MAP3K3: variants seen among roughly 807,000 people sequenced by gnomAD.
The protein encoded by MAP3K3 is MAP/ERK kinase kinase 3.
In MAP3K3, 12 loss-of-function variants were observed where a neutral mutation model predicts 80.9. That is an observed-to-expected ratio of 0.15 (90% CI 0.10 to 0.24). The LOEUF (loss-of-function observed/expected upper bound fraction) is 0.24, where lower values mean the gene tolerates loss of function less well. Ranked by LOEUF, MAP3K3 falls within the 10% of genes least tolerant of loss-of-function variation. MAP3K3 has a pLI of 1.00. For missense variants in MAP3K3, 596 were observed against 834.7 expected, an observed-to-expected ratio of 0.71 and a Z score of 3.52; for synonymous variants, 272 against 307.1, an observed-to-expected ratio of 0.89 and a Z score of 1.19.
chr17:63,642,517 G>T (rs1173572750), intron 2 of MAP3K3, among the ~76,000 whole-genome samples: 2 of 151,970 alleles, frequency 1.3e-5, no homozygotes, highest in Non-Finnish European at 2.9e-5. Context: ...AATCATTCAG[G>T]CATGGTGGTG....
At position 63,691,850 on chromosome 17, in the gene MAP3K3, C is replaced by T. The variant is rs757306885; in HGVS notation, c.1462C>T (p.Arg488Trp). Reference protein sequence around the residue: ...SYLHSNMIVHRDIKGANILRD... With the variant: ...SYLHSNMIVHWDIKGANILRD... ...CCTGCACAGCAACATGATTGTTCAC[C>T]GGGACATTAAGGGTGAGCAGGGCCA... Residue 488 changes from arginine (R) to tryptophan (W), a missense_variant, in exon 14 of 16, where the codon CGG (arginine) becomes TGG (tryptophan). Physicochemically the swap from Arg to Trp is moderately radical, Grantham distance 101. Coordinates refer to ENST00000361733, the MANE Select transcript of MAP3K3 (RefSeq NM_002401.5). The surrounding 1 kb of genome is among the most constrained non-coding windows in gnomAD (Gnocchi z 4.8). 8.7e-6 allele frequency: 14 copies of T among 1,613,908 alleles called. No homozygotes were observed. The highest frequency in any genetic ancestry group is 2.2e-5 in the East Asian group (1 of 44,884).
rs531903995 is a variant in MAP3K3, at chr17:63,622,774, C to T, written c.4+11C>T. On this transcript the variant is annotated intron_variant, in intron 1 of 15. Transcript: ENST00000361733. ...CCATCGCCACCATGGGTAAGTGTCGCCACCGCCCCGGCCTGTGCCCGCGCT... is the reference window on the plus strand; with the variant it reads ...CCATCGCCACCATGGGTAAGTGTCGTCACCGCCCCGGCCTGTGCCCGCGCT... 3.8e-6 allele frequency: 2 copies of T among 526,522 alleles called. No individual in the cohort carries two copies. The highest frequency in any genetic ancestry group is 3.1e-5 in the South Asian group (2 of 64,566). 32.6% of individuals were successfully genotyped at this position (526,522 alleles called of 1,614,324 possible). A position where few individuals can be genotyped will look rare whatever the true frequency, so the allele number is the denominator to read the frequency against.
rs2035680430 is a variant in MAP3K3 at position 63,695,789 on chromosome 17, ATGAATT to A, written c.*2017_*2022del. The A allele has an allele frequency of 6.6e-6, 1 of 152,582 alleles. No homozygotes were observed. The highest frequency in any genetic ancestry group is 1.5e-5 in the Non-Finnish European group (1 of 68,036). 9.5% of individuals were successfully genotyped at this position (152,582 alleles called of 1,614,324 possible). On this transcript the variant is annotated 3_prime_UTR_variant, in exon 16 of 16. Transcript: ENST00000361733. This position sits in a 1 kb window ranked among gnomAD's most constrained non-coding sequence, Gnocchi z 4.1. ...ACCTCACTGGGAATGTGTTTTGAAAATGAATTTGAAGACAAGCCAACAAACCCTGCA... is the reference window on the plus strand; with the variant it reads ...ACCTCACTGGGAATGTGTTTTGAAAATGAAGACAAGCCAACAAACCCTGCA...
At chr17:63,681,260 A>G (rs1237948918) in intron 6 of MAP3K3, among the ~76,000 whole-genome samples, 1 of 152,000 alleles carries the variant, frequency 6.6e-6, no homozygotes, top group Non-Finnish European at 1.5e-5. Context: ...ATAAGGGGAG[A>G]CACTGGCTGG....
intron 11 of MAP3K3, 188 bp from the exon 12 acceptor site, chr17:63,690,076 G>T: frequency 1.6e-6 from 1 of 643,652 alleles, no homozygotes; most frequent in Non-Finnish European, 2.7e-6. Context: ...TGCTTCTTAG[G>T]ACTCTGACTT....
chr17:63,681,964 GTTCT>G, intron 7 of MAP3K3, 65 bp downstream of exon 7: 1 of 1,295,428 alleles, frequency 7.7e-7, no homozygotes, highest in Non-Finnish European at 1.0e-6. Flanking sequence ...ATAACAAGGG[GTTCT>G]TAGTAGTCAC....
chr17:63,652,275 C>A (rs117232231), intron 3 of MAP3K3, among the ~76,000 whole-genome samples: 1 of 152,032 alleles, frequency 6.6e-6, no homozygotes, highest in Non-Finnish European at 1.5e-5. Context: ...AATCTAGTGG[C>A]CTCTTCTGTC....
At position 63,689,141 on chromosome 17, in the gene MAP3K3, C is replaced by A. The variant is rs1393605892; in HGVS notation, c.871+260C>A. The A allele has an allele frequency of 1.2e-5, 7 of 571,822 alleles. No homozygotes were observed. The highest frequency in any genetic ancestry group is 1.9e-5 in the Non-Finnish European group (6 of 321,760). The allele number at this position is 571,822 out of a possible 1,614,324, so 35.4% of individuals were successfully genotyped here. On this transcript the variant is annotated intron_variant, in intron 10 of 15. Transcript: ENST00000361733. This position sits in a 1 kb window ranked among gnomAD's most constrained non-coding sequence, Gnocchi z 4.3. Reference sequence around the variant, plus strand: ...TCCAGGGGCACCATCTCTCCCATGTCCTCTTCTGCCCCACAGCAGCAGGTG... The same window carrying A: ...TCCAGGGGCACCATCTCTCCCATGTACTCTTCTGCCCCACAGCAGCAGGTG...
chr17:63,625,968 G>C (rs995557315), intron 1 of MAP3K3, among the ~76,000 whole-genome samples: 1 of 152,140 alleles, frequency 6.6e-6, no homozygotes, highest in Non-Finnish European at 1.5e-5. Flanking sequence ...AGTTACCCAG[G>C]AGACCGAGGT....
chr17:63,690,543 C>A, intron 12 of MAP3K3, 131 bp downstream of exon 12: 1 of 978,224 alleles, frequency 1.0e-6, no homozygotes, highest in Non-Finnish European at 1.5e-6. Flanking sequence ...CCTTTCTGTC[C>A]ATCCTGGTCC....
At chr17:63,634,601 C>A in intron 2 of MAP3K3, 4 of 912,972 alleles carry the variant, frequency 4.4e-6, no homozygotes, top group South Asian at 1.5e-5. Flanking sequence ...AGGAAGTAAT[C>A]TTAACAAGAG....
chr17:63,679,676 C>T (rs117145748), intron 6 of MAP3K3, among the ~76,000 whole-genome samples: 1,947 of 152,232 alleles, frequency 0.013, 20 homozygotes, highest in South Asian at 0.045. Context: ...TGGGGTCTCA[C>T]CATGTTGCCC....
Position 63,689,997 on chromosome 17 carries a change from A to C in MAP3K3, c.1063+262A>C. On this transcript the variant is annotated intron_variant, in intron 11 of 15. Coordinates refer to ENST00000361733, the MANE Select transcript of MAP3K3 (RefSeq NM_002401.5). This position sits in a 1 kb window ranked among gnomAD's most constrained non-coding sequence, Gnocchi z 4.3. ...TCATCCCTGCCATATTAAGATATTT[A>C]GGGGCTTTGGAAGGAAATGCATTTG... The C allele has an allele frequency of 1.7e-6, 1 of 579,358 alleles. No individual in the cohort carries two copies. The highest frequency in any genetic ancestry group is 2.3e-5 in the South Asian group (1 of 44,260). 35.9% of individuals were successfully genotyped at this position (579,358 alleles called of 1,614,324 possible). A position where few individuals can be genotyped will look rare whatever the true frequency, so the allele number is the denominator to read the frequency against.
In MAP3K3 at chr17:63,693,801, G is replaced by A. The variant is rs375158743; in HGVS notation, c.*24G>A. 3.3e-5 allele frequency: 52 copies of A among 1,581,856 alleles called. No individual in the cohort carries two copies. The highest frequency in any genetic ancestry group is 1.4e-4 in the East Asian group (6 of 42,922). ...GAGCTCTCACGGCCACACAGCTGCC[G>A]GTCGCCCTTTGCTGCATGGCAGGGG... On this transcript the variant is annotated 3_prime_UTR_variant, in exon 16 of 16. Transcript: ENST00000361733. This position sits in a 1 kb window ranked among gnomAD's most constrained non-coding sequence, Gnocchi z 4.2.
Position 63,674,228 on chromosome 17 carries a change from C to T in MAP3K3, c.502+7168C>T, listed in dbSNP as rs147937507. Among the ~76,000 whole-genome samples, 213 of 152,280 alleles carry T rather than the reference C, an allele frequency of 1.4e-3. 1 individual carries two copies. The highest frequency in any genetic ancestry group is 3.3e-3 in the African/African-American group (139 of 41,548). Reference sequence around the variant, plus strand: ...CATAGTGAGGCAAGCCATACTCCAACGCCTGAGTGGAGGCAATCAGGTTTT... The same window carrying T: ...CATAGTGAGGCAAGCCATACTCCAATGCCTGAGTGGAGGCAATCAGGTTTT... On this transcript the variant is annotated intron_variant, in intron 6 of 15. Transcript: ENST00000361733.
intron 6 of MAP3K3, among the ~76,000 whole-genome samples, chr17:63,668,527 T>C (rs2035042298): frequency 6.6e-6 from 1 of 152,050 alleles, no homozygotes; most frequent in African/African-American, 2.4e-5. Context: ...GTAGTCCTTG[T>C]AGAGATTGAG....
chr17:63,643,002 C>G (rs1238213885), intron 2 of MAP3K3, among the ~76,000 whole-genome samples: 1 of 151,318 alleles, frequency 6.6e-6, no homozygotes, highest in Non-Finnish European at 1.5e-5. Context: ...AAGCAATCCT[C>G]AAACCTCGGC....
chr17:63,657,045 A>G (rs184733505), intron 4 of MAP3K3, among the ~76,000 whole-genome samples: 47 of 152,264 alleles, frequency 3.1e-4, no homozygotes, highest in African/African-American at 1.1e-3. Context: ...AAACAGAAAG[A>G]TAATTAAACC....
At chr17:63,685,765 T>C (rs2035435310) in intron 8 of MAP3K3, among the ~76,000 whole-genome samples, 175 bp downstream of exon 8, 1 of 152,254 alleles carries the variant, frequency 6.6e-6, no homozygotes, top group Admixed American at 6.5e-5. Flanking sequence ...ATTAAATGAA[T>C]GTAATAATAG....
Sources: gnomAD v4.1 joint callset for allele counts (sites outside exome capture counted in the v4.1 genomes callset) on GRCh38, gnomAD v4.1.1 for gene constraint, Gnocchi (gnomAD v3.1) non-coding constraint, MANE v1.5 for transcripts, NCBI Gene and HGNC (gene_info 2026-07-23, HGNC 2026-07-21) for gene names.